Variants in TPGS1 observed in about 807,000 individuals in gnomAD.
TPGS1 encodes the protein tubulin polyglutamylase complex subunit 1, also known as gene trap ROSA b-geo 22.
TPGS1 carries 18 observed loss-of-function variants against 11.9 expected under a neutral mutation model. The observed-to-expected ratio is 1.51, with a 90% CI of 1.04 to 2.24. The LOEUF (loss-of-function observed/expected upper bound fraction) is 2.24. TPGS1 is among the 30% of genes most tolerant of loss of function. The probability of loss-of-function intolerance (pLI) is 0.00; values close to 1 mark genes in which losing one functional copy is unlikely to be tolerated. For missense variants in TPGS1, 500 were observed against 443.0 expected (o/e 1.13, Z -1.16); for synonymous variants, 247 against 218.2 (o/e 1.13, Z -1.16).
At chr19:516,049 G>GAAGA (rs891172249) in intron 1 of TPGS1, among the ~76,000 whole-genome samples, 3 of 130,804 alleles carry the variant, frequency 2.3e-5, no homozygotes, top group Non-Finnish European at 3.6e-5. Context: ...AAAAAAAAAG[G>GAAGA]AAGAAAGAAA....
Position 519,038 on chromosome 19 carries a change from C to T in TPGS1, c.488C>T (p.Pro163Leu), listed in dbSNP as rs770675338. ...DGQAPEEVVA[P>L]LLRKVQCRDH... Reference sequence around the variant, plus strand: ...CAAGCCCCCGAGGAGGTGGTGGCGCCGCTGCTGCGCAAGGTGCAGTGCCGT... The same window carrying T: ...CAAGCCCCCGAGGAGGTGGTGGCGCTGCTGCTGCGCAAGGTGCAGTGCCGT... The change falls in exon 2 of 2, where the codon CCG (proline) becomes CTG (leucine). Residue 163 changes from proline to leucine, a missense_variant. Pro to Leu is a moderately conservative substitution (Grantham distance 98). Coordinates refer to ENST00000359315, the MANE Select transcript of TPGS1 (RefSeq NM_033513.3). 2 of 1,551,964 alleles carry T rather than the reference C, an allele frequency of 1.3e-6. No homozygotes were observed. The highest frequency in any genetic ancestry group is 2.3e-5 in the South Asian group (2 of 85,418).
chr19:510,440 C>G (rs1978760488), intron 1 of TPGS1: 1 of 152,238 alleles, frequency 6.6e-6, no homozygotes, highest in Non-Finnish European at 1.5e-5. Flanking sequence ...TGTTGACCCC[C>G]AAAGGCTGAG....
intron 1 of TPGS1, among the ~76,000 whole-genome samples, chr19:511,508 G>A (rs191802731): frequency 1.4e-4 from 21 of 152,348 alleles, no homozygotes; most frequent in Admixed American, 1.1e-3. Context: ...TGAGCACCTG[G>A]CTCCAGCCCC....
intron 1 of TPGS1, among the ~76,000 whole-genome samples, chr19:517,101 T>G (rs1978976973): frequency 2.0e-5 from 3 of 151,876 alleles, no homozygotes; most frequent in Admixed American, 6.6e-5. Context: ...CTTCCGGCCC[T>G]GGAGGGCAGG....
Position 507,707 on chromosome 19 carries a change from G to A in TPGS1, c.201G>A (p.Leu67=), listed in dbSNP as rs555495458. Residue 67 remains leucine (L), a synonymous_variant, in exon 1 of 2, where the codon CTG becomes CTA. Transcript: ENST00000359315. Reference sequence around the variant, plus strand: ...GGCCCGAGGAGCCGATCGCCTTCCTGGCTCACTACTTCGAGAACATGGGCC... The same window carrying A: ...GGCCCGAGGAGCCGATCGCCTTCCTAGCTCACTACTTCGAGAACATGGGCC... ...EARPEEPIAF[L]AHYFENMGLR... 8 of 1,398,054 alleles carry A rather than the reference G, an allele frequency of 5.7e-6. No individual in the cohort carries two copies. In the Admixed American group the frequency reaches 1.6e-4, roughly 29 times the overall value. The allele number at this position is 1,398,054 out of a possible 1,614,324, so 86.6% of individuals were successfully genotyped here. A position where few individuals can be genotyped will look rare whatever the true frequency, so the allele number is the denominator to read the frequency against.
chr19:518,742 A>AGGCCGGGGGGC, intron 1 of TPGS1, 147 bp from the exon 2 acceptor site: 4 of 697,718 alleles, frequency 5.7e-6, no homozygotes, highest in Non-Finnish European at 8.1e-6. Flanking sequence ...GGAGGAGGGG[A>AGGCCGGGGGGC]GGCCGGGGAT....
chr19:517,814 G>A (rs1233821926), intron 1 of TPGS1, among the ~76,000 whole-genome samples: 1 of 91,740 alleles, frequency 1.1e-5, no homozygotes, highest in Admixed American at 1.1e-4. Context: ...GGAGGAGGCC[G>A]AGGCTGGGGG....
At chr19:513,012 C>T (rs897665923) in intron 1 of TPGS1, among the ~76,000 whole-genome samples, 4 of 152,216 alleles carry the variant, frequency 2.6e-5, no homozygotes, top group Admixed American at 2.6e-4. Context: ...CGGCAACCTC[C>T]TAAGAGACCC....
At chr19:512,887 G>A (rs1978841178) in intron 1 of TPGS1, among the ~76,000 whole-genome samples, 1 of 152,202 alleles carries the variant, frequency 6.6e-6, no homozygotes, top group African/African-American at 2.4e-5. Context: ...GCCGCCATGC[G>A]GTGGGGTCGC....
Position 515,612 on chromosome 19 carries a change from C to T in TPGS1, c.339-3277C>T, listed in dbSNP as rs573947455. 3.3e-5 allele frequency among the ~76,000 whole-genome samples: 5 copies of T among 151,790 alleles called. No individual in the cohort carries two copies. The South Asian group carries it at 8.3e-4, about 25-fold the overall frequency. ...AATTAGCTGGGTGTGGTAACACACG[C>T]CTGTAATCCCAGCAGCTCAGGAGGC... On this transcript the variant is annotated intron_variant, in intron 1 of 1. Transcript: ENST00000359315.
At chr19:518,475 T>G (rs1600405370) in intron 1 of TPGS1, among the ~76,000 whole-genome samples, 1 of 40,484 alleles carries the variant, frequency 2.5e-5, no homozygotes, top group Non-Finnish European at 4.6e-5. Flanking sequence ...GGGAGGGGGC[T>G]GAGAGGAGGA....
At chr19:516,031 C>G in intron 1 of TPGS1, among the ~76,000 whole-genome samples, 1 of 88,474 alleles carries the variant, frequency 1.1e-5, no homozygotes. Flanking sequence ...GACTCCGTCT[C>G]AAAAAAAAAA....
At chr19:507,968 G>A (rs1978675806) in intron 1 of TPGS1, 124 bp downstream of exon 1, 8 of 747,148 alleles carry the variant, frequency 1.1e-5, no homozygotes, top group Non-Finnish European at 1.5e-5. Flanking sequence ...GTTGTAGTGC[G>A]CGATGCCTTC....
At chr19:512,010 T>C (rs1295753685) in intron 1 of TPGS1, among the ~76,000 whole-genome samples, 4 of 152,056 alleles carry the variant, frequency 2.6e-5, no homozygotes, top group African/African-American at 9.7e-5. Flanking sequence ...TAGCTGGGAC[T>C]ACAGGCGCCC....
chr19:510,562 G>A (rs1230957614), intron 1 of TPGS1, among the ~76,000 whole-genome samples: 6 of 152,154 alleles, frequency 3.9e-5, no homozygotes, highest in African/African-American at 1.2e-4. Context: ...GGCCGCCAGG[G>A]CTGGTGATGG....
rs769459048 is a variant in TPGS1, at chr19:519,174, G to A, written c.624G>A (p.Ser208=). Residue 208 remains serine, a synonymous_variant, in exon 2 of 2, where the codon TCG becomes TCA. Coordinates refer to ENST00000359315, the MANE Select transcript of TPGS1 (RefSeq NM_033513.3). ...CGCTCTTCCAGCTGCTGGAGGACTCGGCCGCCGCCGTGGCCGACCGCCGCG... is the reference window on the plus strand; with the variant it reads ...CGCTCTTCCAGCTGCTGGAGGACTCAGCCGCCGCCGTGGCCGACCGCCGCG... ...AGALFQLLED[S]AAAVADRRVG... 2.7e-6 allele frequency: 4 copies of A among 1,495,818 alleles called. No homozygotes were observed. In the East Asian group the frequency reaches 1.1e-4, roughly 41 times the overall value. The allele number at this position is 1,495,818 out of a possible 1,614,324, so 92.7% of individuals were successfully genotyped here.
intron 1 of TPGS1, among the ~76,000 whole-genome samples, chr19:514,912 G>A (rs1158835034): frequency 1.3e-5 from 2 of 152,208 alleles, no homozygotes; most frequent in Non-Finnish European, 2.9e-5. Flanking sequence ...CCCTCCACGG[G>A]AGTGTGTGTC....
rs781277634 is a variant in TPGS1 at position 518,900 on chromosome 19, A to G, written c.350A>G (p.Asn117Ser). ...CCCCGTCTCCGCAGGGCCGCCTTCA[A>G]CAACAACGTGAGCGTGGCCTACGAG... The part of the protein sequence containing the change: ...LAHHSQRAAF[N>S]NNVSVAYECL... Residue 117 changes from asparagine to serine, a missense_variant, in exon 2 of 2, where the codon AAC becomes AGC. By Grantham distance (46) the Asn-to-Ser change is conservative. Transcript: ENST00000359315. 1.8e-5 allele frequency: 27 copies of G among 1,537,130 alleles called. No individual in the cohort carries two copies. In the African/African-American group the frequency reaches 3.3e-4, roughly 19 times the overall value.
intron 1 of TPGS1, among the ~76,000 whole-genome samples, chr19:515,354 T>C (rs2145833893): frequency 6.7e-6 from 1 of 149,954 alleles, no homozygotes; most frequent in South Asian, 2.1e-4. Context: ...TGAGCCCTGA[T>C]TGTACCACTG....
Sources: gnomAD v4.1 joint callset for allele counts (sites outside exome capture counted in the v4.1 genomes callset) on GRCh38, gnomAD v4.1.1 for gene constraint, MANE v1.5 for transcripts, NCBI Gene and HGNC (gene_info 2026-07-23, HGNC 2026-07-21) for gene names.